ZNG1C: variants seen among roughly 807,000 people sequenced by gnomAD.
ZNG1C encodes Zn regulated GTPase metalloprotein activator 1C, also known as zinc-regulated GTPase metalloprotein activator 1C.
the ZNG1C span, among the ~76,000 whole-genome samples, chr9:68,275,988 T>C: frequency 6.6e-6 from 1 of 151,744 alleles, no homozygotes; most frequent in African/African-American, 2.4e-5. Context: ...TTTTTAATGA[T>C]TGCCATTCTA....
At chr9:68,297,317 A>T in the ZNG1C span, among the ~76,000 whole-genome samples, 1 of 115,246 alleles carries the variant, frequency 8.7e-6, no homozygotes, top group East Asian at 2.1e-4. Context: ...GGACCCTTTC[A>T]TCAGGGTTTC....
chr9:68,264,853 A>ATATATG, the ZNG1C span, among the ~76,000 whole-genome samples: 1 of 84,076 alleles, frequency 1.2e-5, no homozygotes, highest in African/African-American at 4.6e-5. Context: ...ATATATATAT[A>ATATATG]TATGTATAAT....
At chr9:68,280,645 CTCGGGGG>C in the ZNG1C span, among the ~76,000 whole-genome samples, 1 of 56,560 alleles carries the variant, frequency 1.8e-5, no homozygotes, top group African/African-American at 7.3e-5. Flanking sequence ...AGTTAGGCTA[CTCGGGGG>C]TCAGGGGTCA....
At chr9:68,266,115 TTTTA>T in the ZNG1C span, 11 of 648,050 alleles carry the variant, frequency 1.7e-5, no homozygotes, top group African/African-American at 4.2e-5. Context: ...CATGAGGTGT[TTTTA>T]TTTATTTTTA....
At chr9:68,266,713 G>GTT in the ZNG1C span, among the ~76,000 whole-genome samples, 121 of 115,722 alleles carry the variant, frequency 1.0e-3, no homozygotes, top group African/African-American at 2.4e-3. Context: ...TTCTTGTTCT[G>GTT]TTTTTTTTTT....
At chr9:68,259,758 G>T in the ZNG1C span, among the ~76,000 whole-genome samples, 2 of 152,188 alleles carry the variant, frequency 1.3e-5, no homozygotes, top group Non-Finnish European at 2.9e-5. Flanking sequence ...TGATCCACTT[G>T]CCTCGGCCTC....
chr9:68,286,969 T>G, the ZNG1C span, among the ~76,000 whole-genome samples: 1 of 150,670 alleles, frequency 6.6e-6, no homozygotes, highest in East Asian at 1.9e-4. Context: ...ATCTGTCATA[T>G]AGTTGAACAT....
chr9:68,298,603 T>C, the ZNG1C span: 2 of 189,324 alleles, frequency 1.1e-5, 1 homozygote, highest in South Asian at 2.3e-4. Flanking sequence ...CCACTAAAAC[T>C]GTGAAACATT....
the ZNG1C span, among the ~76,000 whole-genome samples, chr9:68,267,199 A>G: frequency 1.0e-4 from 16 of 152,402 alleles, no homozygotes; most frequent in Non-Finnish European, 1.6e-4. Context: ...TAGATTTTCA[A>G]TCTGTCATCT....
At chr9:68,260,989 C>G in the ZNG1C span, 1 of 44,422 alleles carries the variant, frequency 2.3e-5, no homozygotes, top group South Asian at 1.2e-4. Context: ...TGAAGTTACC[C>G]AGAGAAGGTC....
chr9:68,267,309 T>A, the ZNG1C span, among the ~76,000 whole-genome samples: 1 of 149,374 alleles, frequency 6.7e-6, no homozygotes, highest in African/African-American at 2.5e-5. Flanking sequence ...GAAATTCATA[T>A]TTTTTCCACA....
At chr9:68,299,445 A>G in the ZNG1C span, 2 of 529,340 alleles carry the variant, frequency 3.8e-6, no homozygotes, top group East Asian at 3.0e-5. Flanking sequence ...TTTAATAAGC[A>G]TAATGTAATC....
chr9:68,246,109 TCTCAA>T, the ZNG1C span, among the ~76,000 whole-genome samples: 1 of 148,164 alleles, frequency 6.7e-6, no homozygotes, highest in Non-Finnish European at 1.5e-5. Context: ...GTGCTTAACT[TCTCAA>T]CTCAAATATT....
At chr9:68,263,099 C>A in the ZNG1C span, among the ~76,000 whole-genome samples, 6 of 147,540 alleles carry the variant, frequency 4.1e-5, no homozygotes, top group African/African-American at 7.6e-5. Context: ...AAAAATGTTT[C>A]TTCTATAGAC....
At chr9:68,247,567 G>T in the ZNG1C span, 2 of 1,066,898 alleles carry the variant, frequency 1.9e-6, no homozygotes, top group Non-Finnish European at 2.7e-6. Flanking sequence ...GTTTTTTGTT[G>T]GCTAATGGAC....
the ZNG1C span, among the ~76,000 whole-genome samples, chr9:68,259,635 CTGAG>C: frequency 6.6e-6 from 1 of 150,730 alleles, no homozygotes; most frequent in African/African-American, 2.4e-5. Flanking sequence ...TCTCAGCCTC[CTGAG>C]TATCTGGGAT....
the ZNG1C span, among the ~76,000 whole-genome samples, chr9:68,281,655 G>A: frequency 9.0e-6 from 1 of 110,760 alleles, no homozygotes; most frequent in East Asian, 2.1e-4. Flanking sequence ...TGTCTTCATA[G>A]CCCCTGGCAT....
chr9:68,255,852 G>C, the ZNG1C span, among the ~76,000 whole-genome samples: 1 of 152,234 alleles, frequency 6.6e-6, no homozygotes, highest in Non-Finnish European at 1.5e-5. Flanking sequence ...ACACTCTCCA[G>C]TTCTAAGTTA....
chr9:68,296,553 G>C, the ZNG1C span, among the ~76,000 whole-genome samples: 3 of 152,288 alleles, frequency 2.0e-5, no homozygotes, highest in Non-Finnish European at 4.4e-5. Context: ...TGGTCTTTTT[G>C]TATTTTCTGC....
Sources: gnomAD v4.1 joint callset for allele counts (sites outside exome capture counted in the v4.1 genomes callset) on GRCh38, gnomAD v4.1.1 for gene constraint, MANE v1.5 for transcripts, NCBI Gene and HGNC (gene_info 2026-07-23, HGNC 2026-07-21) for gene names.